Variants in SURF6 observed in about 807,000 individuals in gnomAD.
The protein encoded by SURF6 is surfeit 6.
Under a neutral mutation model 37.5 loss-of-function variants are expected in SURF6, and 28 were observed. The observed-to-expected ratio is 0.75, with a 90% CI of 0.55 to 1.02. The LOEUF (loss-of-function observed/expected upper bound fraction) is 1.02, where lower values mean the gene tolerates loss of function less well. Among genes scored for constraint, SURF6 ranks in the 50% least tolerant of loss-of-function variants. The pLI is 0.00. For synonymous variants in SURF6, 248 were observed against 210.9 expected (o/e 1.18, Z -1.52); for missense variants, 560 against 490.5 (o/e 1.14, Z -1.34).
In SURF6 at chr9:133,332,852, C is replaced by G. The variant is rs2129921756; in HGVS notation, c.394-92G>C. On this transcript the variant is annotated intron_variant, in intron 3 of 4. Transcript: ENST00000372022. ...GTCGAGAAGAATCAGGGCTGGAAGG[C>G]AGGTGAGAAAATCCTCACGCAAACA... The G allele has an allele frequency of 6.1e-5, 80 of 1,313,034 alleles. 2 individuals carry two copies. The Admixed American group carries it at 1.6e-3, about 27-fold the overall frequency. 81.3% of individuals were successfully genotyped at this position (1,313,034 alleles called of 1,614,324 possible).
rs2129919161 is a variant in SURF6 at position 133,332,564 on chromosome 9, C to CCGGGCGGCT, written c.581_589dup (p.Glu194_Pro196dup). 6.2e-7 allele frequency: 1 copy of CCGGGCGGCT among 1,608,822 alleles called. No individual in the cohort carries two copies. The highest frequency in any genetic ancestry group is 1.3e-5 in the African/African-American group (1 of 74,938). The stretch of plus-strand genomic sequence containing the variant: ...CCCGCTCACCTTATTGAAGATCAGC[C>CCGGGCGGCT]CGGGCGGCTCCCGCGGCTCCGTGCA... On this transcript the variant is annotated inframe_insertion, in exon 4 of 5. Transcript: ENST00000372022.
chr9:133,334,401 TC>T lies in SURF6; in HGVS notation c.294del (p.Asn99ThrfsTer100). ...CCCTGAAGCCTCTCACCTGCAGGGT[TC>T]CCTGCTGAGCTGGAAGCCCAAGCTG... ...EEAAWASSSA[G>X]NPADGLATEP... On this transcript the variant is annotated frameshift_variant, in exon 2 of 5. Coordinates refer to ENST00000372022, the MANE Select transcript of SURF6 (RefSeq NM_006753.6). LOFTEE classifies it high-confidence loss of function. 6.2e-7 allele frequency: 1 copy of T among 1,613,018 alleles called. No homozygotes were observed. The highest frequency in any genetic ancestry group is 8.5e-7 in the Non-Finnish European group (1 of 1,179,864).
Position 133,332,165 on chromosome 9 carries a change from G to A in SURF6, c.790C>T (p.Leu264=). Residue 264 remains leucine, a synonymous_variant, in exon 5 of 5, where the codon CTG becomes TTG. Transcript: ENST00000372022. The stretch of plus-strand genomic sequence containing the variant: ...TTGGTCCACTTCATCTTCGCCTCCA[G>A]CTCCTGCGCCTTCCCCTCATCCTGG... ...RGQDEGKAQE[L]EAKMKWTNLL... The A allele has an allele frequency of 3.7e-6, 6 of 1,610,522 alleles. No individual in the cohort carries two copies. Among genetic ancestry groups the A allele is most frequent in the Non-Finnish European group, 5.1e-6 (6 of 1,179,922 alleles).
At chr9:133,332,382 C>T (rs1368442678) in intron 4 of SURF6, 34 bp from the exon 5 acceptor site, 1 of 1,549,114 alleles carries the variant, frequency 6.5e-7, no homozygotes, top group South Asian at 1.2e-5. Flanking sequence ...CTCATGCCAG[C>T]CCTGCACTAG....
At chr9:133,333,322 A>T (rs1835794592) in intron 3 of SURF6, among the ~76,000 whole-genome samples, 1 of 152,164 alleles carries the variant, frequency 6.6e-6, no homozygotes, top group East Asian at 1.9e-4. Context: ...ACGAGGCCTT[A>T]AGGAAGGGCC....
chr9:133,336,082 C>G lies in SURF6; in HGVS notation c.51G>C (p.Lys17Asn), dbSNP rs2129933941. 1 of 1,612,970 alleles carries G rather than the reference C, an allele frequency of 6.2e-7. No homozygotes were observed. The highest frequency in any genetic ancestry group is 8.5e-7 in the Non-Finnish European group (1 of 1,179,838). Residue 17 changes from lysine (K) to asparagine (N), a missense_variant, in exon 1 of 5, where the codon AAG (lysine) becomes AAC (asparagine). Lys to Asn is a moderately conservative substitution (Grantham distance 94). Coordinates refer to ENST00000372022, the MANE Select transcript of SURF6 (RefSeq NM_006753.6). ...KDAYLQSLAK[K>N]ICSHSAPEQQ... ...GTTCCGGGGCCGAATGGGAGCAGAT[C>G]TTCTTGGCCAGGCTCTGCAGGTAGG...
At chr9:133,332,843 G>A (rs1027877745) in intron 3 of SURF6, 83 bp from the exon 4 acceptor site, 64 of 1,384,530 alleles carry the variant, frequency 4.6e-5, no homozygotes, top group Middle Eastern at 2.4e-4. Flanking sequence ...AAGAATCAGG[G>A]CTGGAAGGCA....
chr9:133,333,837 C>G (rs2129925135), intron 2 of SURF6, 31 bp from the exon 3 acceptor site: 1 of 1,569,986 alleles, frequency 6.4e-7, no homozygotes, highest in Non-Finnish European at 8.7e-7. Flanking sequence ...CTGCAGGGGG[C>G]CCTCTCTTCC....
At chr9:133,333,088 G>C in intron 3 of SURF6, 1 of 393,246 alleles carries the variant, frequency 2.5e-6, no homozygotes, top group Non-Finnish European at 4.7e-6. Context: ...TGGAGTTGGC[G>C]TCTGAACACC....
Position 133,332,087 on chromosome 9 carries a change from G to T in SURF6, c.868C>A (p.Gln290Lys), listed in dbSNP as rs2129914864. 3 of 1,608,412 alleles carry T rather than the reference G, an allele frequency of 1.9e-6. No homozygotes were observed. The South Asian group carries it at 3.3e-5, about 18-fold the overall frequency. ...TTCTCCTTGCGCTTCAGGGCCTCCT[G>T]CAGCAGGCGTTCGTCGTCACGGATC... ...VKIRDDERLL[Q>K]EALKRKEKRR... Residue 290 changes from glutamine (Q) to lysine (K), a missense_variant, in exon 5 of 5, where the codon CAG becomes AAG. By Grantham distance (53) the Gln-to-Lys change is moderately conservative. Coordinates refer to ENST00000372022, the MANE Select transcript of SURF6 (RefSeq NM_006753.6).
rs1226044001 is a variant in SURF6 at position 133,330,826 on chromosome 9, A to G, written c.*1043T>C. The G allele has an allele frequency of 1.3e-5, 2 of 152,138 alleles. No individual in the cohort carries two copies. The highest frequency in any genetic ancestry group is 1.9e-4 in the East Asian group (1 of 5,200). 9.4% of individuals were successfully genotyped at this position (152,138 alleles called of 1,614,324 possible). On this transcript the variant is annotated 3_prime_UTR_variant, in exon 5 of 5. Coordinates refer to ENST00000372022, the MANE Select transcript of SURF6 (RefSeq NM_006753.6). ...CAAAGTAGGTGGTCAGTTTCCATCCATGTTCCATATATGCATGGAAAGAGT... is the reference window on the plus strand; with the variant it reads ...CAAAGTAGGTGGTCAGTTTCCATCCGTGTTCCATATATGCATGGAAAGAGT...
At position 133,331,820 on chromosome 9, in the gene SURF6, G is replaced by GT. The variant is rs2129911689; in HGVS notation, c.*48dup. ...AGCCAGCGTCAAGGACTCAGAGGGT[G>GT]TCCTGGAGTCTCCTAGGACGGAAGA... On this transcript the variant is annotated 3_prime_UTR_variant, in exon 5 of 5. Coordinates refer to ENST00000372022, the MANE Select transcript of SURF6 (RefSeq NM_006753.6). 6.7e-7 allele frequency: 1 copy of GT among 1,487,970 alleles called. No homozygotes were observed. The highest frequency in any genetic ancestry group is 8.9e-7 in the Non-Finnish European group (1 of 1,129,146). 92.2% of individuals were successfully genotyped at this position (1,487,970 alleles called of 1,614,324 possible). A position where few individuals can be genotyped will look rare whatever the true frequency, so the allele number is the denominator to read the frequency against.
intron 1 of SURF6, 24 bp from the exon 2 acceptor site, chr9:133,334,625 T>C: frequency 6.2e-7 from 1 of 1,601,612 alleles, no homozygotes; most frequent in South Asian, 1.1e-5. Context: ...TAAGAAAGAG[T>C]TAAGTCCCAA....
At position 133,334,496 on chromosome 9, in the gene SURF6, G is replaced by A. The variant is rs138273634; in HGVS notation, c.200C>T (p.Ala67Val). ...TGGAGATTTCTCCCCCAAGGACTTG[G>A]CCTTGTGCTCAGCAGCCTTCTCTTC... Reference protein sequence around the residue: ...KREEKAAEHKAKSLGEKSPAA... With the variant: ...KREEKAAEHKVKSLGEKSPAA... The change falls in exon 2 of 5, where the codon GCC becomes GTC. Residue 67 changes from alanine (A) to valine (V), a missense_variant. Transcript: ENST00000372022. 2 of 1,614,100 alleles carry A rather than the reference G, an allele frequency of 1.2e-6. No individual in the cohort carries two copies. Among genetic ancestry groups the A allele is most frequent in the East Asian group, 4.5e-5 (2 of 44,886 alleles).
chr9:133,334,747 C>A (rs2119044859), intron 1 of SURF6, 146 bp from the exon 2 acceptor site: 1 of 932,620 alleles, frequency 1.1e-6, no homozygotes, highest in Admixed American at 2.8e-5. Flanking sequence ...GAGCTCAGAA[C>A]CACAACCTTG....
chr9:133,335,709 CAAAAAAA>C (rs11341720), intron 1 of SURF6, among the ~76,000 whole-genome samples: 1 of 132,118 alleles, frequency 7.6e-6, no homozygotes. Context: ...ACTAAAAATG[CAAAAAAA>C]AAAAAAAAAA....
rs1588669779 is a variant in SURF6 at position 133,331,860 on chromosome 9, G to A, written c.*9C>T. The A allele has an allele frequency of 2.0e-6, 3 of 1,497,860 alleles. No homozygotes were observed. The highest frequency in any genetic ancestry group is 2.8e-5 in the African/African-American group (2 of 70,692). The allele number at this position is 1,497,860 out of a possible 1,614,324, so 92.8% of individuals were successfully genotyped here. On this transcript the variant is annotated 3_prime_UTR_variant, in exon 5 of 5. Coordinates refer to ENST00000372022, the MANE Select transcript of SURF6 (RefSeq NM_006753.6). Reference sequence around the variant, plus strand: ...AGGACGGAAGACGGCGGCCCCAGGTGGGAAAGACTCAGACCAGGCCTGCGC... The same window carrying A: ...AGGACGGAAGACGGCGGCCCCAGGTAGGAAAGACTCAGACCAGGCCTGCGC...
chr9:133,333,200 C>T (rs1191877563), intron 3 of SURF6, among the ~76,000 whole-genome samples: 4 of 152,182 alleles, frequency 2.6e-5, no homozygotes, highest in Non-Finnish European at 4.4e-5. Flanking sequence ...CCAGCCCAAA[C>T]GAGACCTGTG....
rs2129915899 is a variant in SURF6, at chr9:133,332,178, C to T, written c.777G>A (p.Gly259=). 1.9e-5 allele frequency: 31 copies of T among 1,610,190 alleles called. No homozygotes were observed. The highest frequency in any genetic ancestry group is 2.5e-5 in the Non-Finnish European group (29 of 1,179,952). Residue 259 remains glycine, a synonymous_variant, in exon 5 of 5, where the codon GGG becomes GGA. Transcript: ENST00000372022. ...TCTTCGCCTCCAGCTCCTGCGCCTTCCCCTCATCCTGGCCGCGCAGCTCGT... is the reference window on the plus strand; with the variant it reads ...TCTTCGCCTCCAGCTCCTGCGCCTTTCCCTCATCCTGGCCGCGCAGCTCGT... ...RLDELRGQDE[G]KAQELEAKMK...
Sources: allele counts gnomAD v4.1 joint callset (sites outside exome capture counted in the v4.1 genomes callset), GRCh38; gene constraint gnomAD v4.1.1; transcripts MANE v1.5; gene names NCBI Gene and HGNC (gene_info 2026-07-23, HGNC 2026-07-21).